YDJC: variants seen among roughly 807,000 people sequenced by gnomAD.
The protein encoded by YDJC is carbohydrate deacetylase.
A neutral mutation model predicts 18.9 loss-of-function variants in YDJC; 23 were observed. The observed-to-expected ratio is 1.22, with a 90% CI of 0.87 to 1.72. The LOEUF is 1.72. Among genes scored for constraint, YDJC ranks in the 40% most tolerant of loss-of-function variants. YDJC has a pLI of 0.00. For synonymous variants in YDJC, 224 were observed against 217.6 expected (o/e 1.03, Z -0.26); for missense variants, 467 against 470.8 (o/e 0.99, Z 0.07).
chr22:21,629,242 C>A, intron 3 of YDJC, 55 bp from the exon 4 acceptor site: 1 of 1,549,662 alleles, frequency 6.5e-7, no homozygotes, highest in Non-Finnish European at 8.7e-7. Flanking sequence ...GGGCATCGAA[C>A]TTCCCCTACT....
chr22:21,628,649 GC>G lies in YDJC; in HGVS notation c.740del (p.Gly247AlafsTer86). On this transcript the variant is annotated frameshift_variant, in exon 5 of 5. Transcript: ENST00000292778. LOFTEE classifies it low-confidence loss of function (END_TRUNC). ...CGCCGGTGGGAGGCACACTGGGGTAGCCGGGGTGCGCCATCAGCTCGGCTGT... is the reference window on the plus strand; with the variant it reads ...CGCCGGTGGGAGGCACACTGGGGTAGCGGGGTGCGCCATCAGCTCGGCTGT... ...TLTAELMAHP[G>X]YPSVPPTGGC... The G allele has an allele frequency of 6.3e-7, 1 of 1,581,322 alleles. No individual in the cohort carries two copies. Among genetic ancestry groups the G allele is most frequent in the Non-Finnish European group, 8.6e-7 (1 of 1,165,546 alleles).
Position 21,629,062 on chromosome 22 carries a change from C to A in YDJC, c.550G>T (p.Val184Leu). 6.5e-7 allele frequency: 1 copy of A among 1,527,568 alleles called. No individual in the cohort carries two copies. The highest frequency in any genetic ancestry group is 1.2e-5 in the South Asian group (1 of 83,040). The allele number at this position is 1,527,568 out of a possible 1,614,324, so 94.6% of individuals were successfully genotyped here. A position where few individuals can be genotyped will look rare whatever the true frequency, so the allele number is the denominator to read the frequency against. Reference protein sequence around the residue: ...EAPARAFACAVERDARAAVGP... With the variant: ...EAPARAFACALERDARAAVGP... ...ACGGCGGCCCGGGCGTCGCGCTCCA[C>A]GGCGCAGGCGAAGGCACGCGCGGGG... The change falls in exon 4 of 5, where the codon GTG (valine) becomes TTG (leucine). Residue 184 changes from valine to leucine, a missense_variant. Coordinates refer to ENST00000292778, the MANE Select transcript of YDJC (RefSeq NM_001017964.2).
chr22:21,628,403 G>T lies in YDJC; in HGVS notation c.*15C>A, dbSNP rs746075301. 6.6e-7 allele frequency: 1 copy of T among 1,524,384 alleles called. No individual in the cohort carries two copies. The highest frequency in any genetic ancestry group is 8.8e-7 in the Non-Finnish European group (1 of 1,132,704). 94.4% of individuals were successfully genotyped at this position (1,524,384 alleles called of 1,614,324 possible). Reference sequence around the variant, plus strand: ...TTGGTACTAAGGGGATTAGTGCTTGGTTGTCTGTAGGGGGTCAGAGTAGGG... The same window carrying T: ...TTGGTACTAAGGGGATTAGTGCTTGTTTGTCTGTAGGGGGTCAGAGTAGGG... On this transcript the variant is annotated 3_prime_UTR_variant, in exon 5 of 5. Coordinates refer to ENST00000292778, the MANE Select transcript of YDJC (RefSeq NM_001017964.2).
chr22:21,628,188 T>C lies in YDJC; in HGVS notation c.*230A>G. ...CAACATGGAGGGGCACCAAATGCTC[T>C]GCGGGCCCTAGCCCGCTGCCACAGG... is the stretch of plus-strand genomic sequence containing the variant. On this transcript the variant is annotated 3_prime_UTR_variant, in exon 5 of 5. Coordinates refer to ENST00000292778, the MANE Select transcript of YDJC (RefSeq NM_001017964.2). 2.2e-6 allele frequency: 1 copy of C among 458,494 alleles called. No homozygotes were observed. The highest frequency in any genetic ancestry group is 3.6e-6 in the Non-Finnish European group (1 of 276,004). The allele number at this position is 458,494 out of a possible 1,614,324, so 28.4% of individuals were successfully genotyped here.
Position 21,629,310 on chromosome 22 carries a change from G to A in YDJC, c.422C>T (p.Pro141Leu). The change falls in exon 3 of 5, where the codon CCA becomes CTA. Residue 141 changes from proline (P) to leucine (L), a missense_variant and splice_region_variant. By Grantham distance (98) the Pro-to-Leu change is moderately conservative (BLOSUM62 -3). Coordinates refer to ENST00000292778, the MANE Select transcript of YDJC (RefSeq NM_001017964.2). Reference protein sequence around the residue: ...ADGHQHVHVLPGVCQVFAEAL... With the variant: ...ADGHQHVHVLLGVCQVFAEAL... Reference sequence around the variant, plus strand: ...AACTGGGATCACTAACCACGCACCTGGGAGCACGTGCACGTGCTGGTGCCC... The same window carrying A: ...AACTGGGATCACTAACCACGCACCTAGGAGCACGTGCACGTGCTGGTGCCC... 2 of 1,550,492 alleles carry A rather than the reference G, an allele frequency of 1.3e-6. No individual in the cohort carries two copies. Among genetic ancestry groups the A allele is most frequent in the East Asian group, 2.4e-5 (1 of 41,018 alleles).
Position 21,629,334 on chromosome 22 carries a change from C to A in YDJC, c.398G>T (p.Gly133Val). 1 of 1,550,480 alleles carries A rather than the reference C, an allele frequency of 6.4e-7. No individual in the cohort carries two copies. Among genetic ancestry groups the A allele is most frequent in the Non-Finnish European group, 8.7e-7 (1 of 1,146,918 alleles). The change falls in exon 3 of 5, where the codon GGG (glycine) becomes GTG (valine). Residue 133 changes from glycine to valine, a missense_variant. Gly to Val is a moderately radical substitution (Grantham distance 109, BLOSUM62 -3). Coordinates refer to ENST00000292778, the MANE Select transcript of YDJC (RefSeq NM_001017964.2). ...LLGRAPTHAD[G>V]HQHVHVLPGV... is the part of the protein sequence containing the mutation. ...TGGGAGCACGTGCACGTGCTGGTGC[C>A]CGTCCGCGTGCGTGGGGGCCCTGCC...
Position 21,629,015 on chromosome 22 carries a change from G to A in YDJC, c.597C>T (p.Gly199=). ...GACGGGGCGGGGAGCCTCACCGCAG[G>A]CCGTGGCGGGAGAAGGGGCCCACGG... ...RAAVGPFSRH[G]LRWTDAFVGL... Residue 199 remains glycine, a synonymous_variant, in exon 4 of 5, where the codon GGC becomes GGT. Coordinates refer to ENST00000292778, the MANE Select transcript of YDJC (RefSeq NM_001017964.2). 1 of 1,472,450 alleles carries A rather than the reference G, an allele frequency of 6.8e-7. No individual in the cohort carries two copies. The highest frequency in any genetic ancestry group is 8.9e-7 in the Non-Finnish European group (1 of 1,121,272). The allele number at this position is 1,472,450 out of a possible 1,614,324, so 91.2% of individuals were successfully genotyped here. A position where few individuals can be genotyped will look rare whatever the true frequency, so the allele number is the denominator to read the frequency against.
In YDJC at chr22:21,628,745, G is replaced by A. The variant is rs1398383976; in HGVS notation, c.645C>T (p.His215=). 2.0e-6 allele frequency: 3 copies of A among 1,512,030 alleles called. No individual in the cohort carries two copies. Among genetic ancestry groups the A allele is most frequent in the Non-Finnish European group, 2.7e-6 (3 of 1,128,438 alleles). The allele number at this position is 1,512,030 out of a possible 1,614,324, so 93.7% of individuals were successfully genotyped here. ...CCCCGGACACGCGGTGAGCGGACAT[G>A]TGCCGGCCGCAAGTGCTCAGGCCCA... ...AFVGLSTCGR[H]MSAHRVSGAL... is the part of the protein sequence containing the mutation. The change falls in exon 5 of 5, where the codon CAC becomes CAT. Residue 215 remains histidine, a synonymous_variant. Transcript: ENST00000292778.
chr22:21,628,527 T>G lies in YDJC; in HGVS notation c.863A>C (p.Gln288Pro). Residue 288 changes from glutamine to proline, a missense_variant, in exon 5 of 5, where the codon CAG (glutamine) becomes CCG (proline). Physicochemically the swap from Gln to Pro is moderately conservative, Grantham distance 76. Transcript: ENST00000292778. ...TAPTLRAQLA[Q>P]DGVQLCALDD... ...GAGGGCGCAAAGCTGCACGCCATCC[T>G]GGGCAAGCTGGGCCCGCAGCGTGGG... 1 of 1,612,186 alleles carries G rather than the reference T, an allele frequency of 6.2e-7. No homozygotes were observed. The highest frequency in any genetic ancestry group is 8.5e-7 in the Non-Finnish European group (1 of 1,179,044).
In YDJC at chr22:21,629,396, C is replaced by T. The variant is rs1346175075; in HGVS notation, c.336G>A (p.Glu112=). ...GDVDLPQVRE[E]LEAQLSCFRE... ...GGAAGCAGCTTAGTTGGGCCTCGAG[C>T]TCCTCCCGCACCTAGAGGGCGAGCG... Residue 112 remains glutamate, a synonymous_variant, in exon 3 of 5, where the codon GAG becomes GAA. Transcript: ENST00000292778. 3 of 1,548,202 alleles carry T rather than the reference C, an allele frequency of 1.9e-6. No individual in the cohort carries two copies. The South Asian group carries it at 3.6e-5, about 18-fold the overall frequency.
rs1436297104 is a variant in YDJC, at chr22:21,628,733, G to A, written c.657C>T (p.His219=). Residue 219 remains histidine (H), a synonymous_variant, in exon 5 of 5, where the codon CAC becomes CAT. Coordinates refer to ENST00000292778, the MANE Select transcript of YDJC (RefSeq NM_001017964.2). ...CCCGCGCCAGGGCCCCGGACACGCG[G>A]TGAGCGGACATGTGCCGGCCGCAAG... ...LSTCGRHMSA[H]RVSGALARVL... 32 of 1,525,026 alleles carry A rather than the reference G, an allele frequency of 2.1e-5. No individual in the cohort carries two copies. Among genetic ancestry groups the A allele is most frequent in the Non-Finnish European group, 2.7e-5 (31 of 1,136,364 alleles). The allele number at this position is 1,525,026 out of a possible 1,614,324, so 94.5% of individuals were successfully genotyped here. A position where few individuals can be genotyped will look rare whatever the true frequency, so the allele number is the denominator to read the frequency against.
chr22:21,628,984 G>A, intron 4 of YDJC, 26 bp downstream of exon 4: 1 of 1,450,658 alleles, frequency 6.9e-7, no homozygotes, highest in Non-Finnish European at 9.0e-7. Context: ...GGCAGCTATG[G>A]TAGGAGACGG....
intron 2 of YDJC, 44 bp from the exon 3 acceptor site, chr22:21,629,451 G>A: frequency 6.5e-7 from 1 of 1,535,244 alleles, no homozygotes; most frequent in Non-Finnish European, 8.8e-7. Flanking sequence ...GGGAGTAGCT[G>A]CCGAGGATAC....
At position 21,629,652 on chromosome 22, in the gene YDJC, T is replaced by C; in HGVS notation, c.274A>G (p.Lys92Glu). The C allele has an allele frequency of 6.2e-7, 1 of 1,612,286 alleles. No individual in the cohort carries two copies. The highest frequency in any genetic ancestry group is 8.5e-7 in the Non-Finnish European group (1 of 1,179,842). Residue 92 changes from lysine (K) to glutamate (E), a missense_variant, in exon 2 of 5, where the codon AAG becomes GAG. Coordinates refer to ENST00000292778, the MANE Select transcript of YDJC (RefSeq NM_001017964.2). Reference sequence around the variant, plus strand: ...GCCACCGCCTCCCGGAATCCCATCTTGCCAAGGAAGAAGCCTTCCGGGCCG... The same window carrying C: ...GCCACCGCCTCCCGGAATCCCATCTCGCCAAGGAAGAAGCCTTCCGGGCCG... Reference protein sequence around the residue: ...LLGPEGFFLGKMGFREAVAAG... With the variant: ...LLGPEGFFLGEMGFREAVAAG...
Position 21,629,965 on chromosome 22 carries a change from T to C in YDJC, c.50A>G (p.Tyr17Cys). ...GATACCCTCATCGCGTCGCGGGCAGTAACCAAAGTCGTCCGCGGTGACCAC... is the reference window on the plus strand; with the variant it reads ...GATACCCTCATCGCGTCGCGGGCAGCAACCAAAGTCGTCCGCGGTGACCAC... ...RLVVTADDFG[Y>C]CPRRDEGIVE... The change falls in exon 1 of 5, where the codon TAC becomes TGC. Residue 17 changes from tyrosine to cysteine, a missense_variant. Transcript: ENST00000292778. 1.2e-6 allele frequency: 2 copies of C among 1,604,212 alleles called. No homozygotes were observed. The highest frequency in any genetic ancestry group is 1.7e-6 in the Non-Finnish European group (2 of 1,178,244).
Position 21,629,380 on chromosome 22 carries a change from T to C in YDJC, c.352A>G (p.Ser118Gly). The C allele has an allele frequency of 6.5e-7, 1 of 1,549,314 alleles. No homozygotes were observed. Among genetic ancestry groups the C allele is most frequent in the Non-Finnish European group, 8.7e-7 (1 of 1,146,842 alleles). The change falls in exon 3 of 5, where the codon AGC (serine) becomes GGC (glycine). Residue 118 changes from serine (S) to glycine (G), a missense_variant. Physicochemically the swap from Ser to Gly is moderately conservative, Grantham distance 56 (BLOSUM62 0). Transcript: ENST00000292778. ...CTGCCCAGCAGCTCCCGGAAGCAGCTTAGTTGGGCCTCGAGCTCCTCCCGC... is the reference window on the plus strand; with the variant it reads ...CTGCCCAGCAGCTCCCGGAAGCAGCCTAGTTGGGCCTCGAGCTCCTCCCGC... ...QVREELEAQLSCFRELLGRAP... is the reference protein window; with the variant it reads ...QVREELEAQLGCFRELLGRAP...
At chr22:21,629,462 C>A in intron 2 of YDJC, 55 bp from the exon 3 acceptor site, 1 of 1,531,046 alleles carries the variant, frequency 6.5e-7, no homozygotes, top group Non-Finnish European at 8.8e-7. Flanking sequence ...CCGAGGATAC[C>A]CTCCTCGTGC....
chr22:21,628,431 G>A lies in YDJC; in HGVS notation c.959C>T (p.Pro320Leu), dbSNP rs958588323. 2 of 1,554,978 alleles carry A rather than the reference G, an allele frequency of 1.3e-6. No individual in the cohort carries two copies. The highest frequency in any genetic ancestry group is 1.7e-6 in the Non-Finnish European group (2 of 1,147,130). The change falls in exon 5 of 5, where the codon CCC becomes CTC. Residue 320 changes from proline to leucine, a missense_variant. Physicochemically the swap from Pro to Leu is moderately conservative, Grantham distance 98. Transcript: ENST00000292778. ...GTCTGTAGGGGGTCAGAGTAGGGAG[G>A]GTTCCAGGAAGGGTTCCAGAGTGGG... is the stretch of plus-strand genomic sequence containing the variant. ...CEPTLEPFLE[P>L]SLL
In YDJC at chr22:21,630,010, G is replaced by C. The variant is rs774019421; in HGVS notation, c.5C>G (p.Ser2Cys). 2.5e-6 allele frequency: 4 copies of C among 1,594,408 alleles called. No individual in the cohort carries two copies. The highest frequency in any genetic ancestry group is 1.4e-5 in the African/African-American group (1 of 72,692). The change falls in exon 1 of 5, where the codon TCC (serine) becomes TGC (cysteine). Residue 2 changes from serine to cysteine, a missense_variant. Physicochemically the swap from Ser to Cys is moderately radical, Grantham distance 112 (BLOSUM62 -1). Coordinates refer to ENST00000292778, the MANE Select transcript of YDJC (RefSeq NM_001017964.2). ...GACCACCAGGCGCATGCGAGGGCGG[G>C]ACATGGCCGCCTGGGTCCACCGCTC... M[S>C]RPRMRLVVTA... is the part of the protein sequence containing the mutation.
Sources: gnomAD v4.1 joint callset for allele counts on GRCh38, gnomAD v4.1.1 for gene constraint, MANE v1.5 for transcripts, NCBI Gene and HGNC (gene_info 2026-07-23, HGNC 2026-07-21) for gene names.